The following CDH12 variants were observed in gnomAD, a reference collection of about 807,000 sequenced individuals.
CDH12 encodes the protein cadherin 12.
CDH12 carries 41 observed loss-of-function variants against 74.1 expected under a neutral mutation model. That is an observed-to-expected ratio of 0.55 (90% confidence interval 0.43 to 0.72). The LOEUF is 0.72. Ranked by LOEUF, CDH12 falls within the 30% of genes least tolerant of loss-of-function variation. The probability of loss-of-function intolerance (pLI) is 0.00; values close to 1 mark genes in which losing one functional copy is unlikely to be tolerated. For synonymous variants in CDH12, 399 were observed against 355.0 expected (o/e 1.12, Z -1.39); for missense variants, 945 against 977.2 (o/e 0.97, Z 0.44).
intron 1 of CDH12, among the ~76,000 whole-genome samples, chr5:22,513,102 TA>T (rs1243095009): frequency 3.9e-5 from 6 of 152,122 alleles, no homozygotes; most frequent in African/African-American, 1.4e-4. Context: ...CACCATGTTA[TA>T]AAAGAAAATA....
At chr5:22,829,022 A>G (rs549151611) in intron 1 of CDH12, among the ~76,000 whole-genome samples, 26 of 152,326 alleles carry the variant, frequency 1.7e-4, no homozygotes, top group African/African-American at 5.0e-4. Context: ...TCTGAAGGTC[A>G]AAGTGGCAGC....
intron 1 of CDH12, among the ~76,000 whole-genome samples, chr5:22,732,471 T>TACAC (rs58402882): frequency 0.035 from 2,547 of 72,580 alleles, 68 homozygotes; most frequent in African/African-American, 0.12. Context: ...TATATATATA[T>TACAC]ACACACACAC....
At chr5:21,890,133 G>A (rs1179406575) in intron 6 of CDH12, among the ~76,000 whole-genome samples, 1 of 152,056 alleles carries the variant, frequency 6.6e-6, no homozygotes, top group Non-Finnish European at 1.5e-5. Flanking sequence ...AGTTGTGCGT[G>A]GGTGTATGTG....
intron 3 of CDH12, among the ~76,000 whole-genome samples, chr5:22,355,524 ATAT>A (rs1341889036): frequency 0.058 from 3,935 of 67,760 alleles, 82 homozygotes; most frequent in African/African-American, 0.085. Context: ...TAAAAAAAAA[ATAT>A]ATATATATAT....
rs184446494 is a variant in CDH12 at position 22,042,463 on chromosome 5, C to T, written c.231+35983G>A. Among the ~76,000 whole-genome samples the T allele has an allele frequency of 1.2e-3, 186 of 152,080 alleles. 1 individual carries two copies. Among genetic ancestry groups the T allele is most frequent in the African/African-American group, 4.2e-3 (174 of 41,508 alleles). On this transcript the variant is annotated intron_variant, in intron 5 of 14. Coordinates refer to ENST00000382254, the MANE Select transcript of CDH12 (RefSeq NM_004061.5). ...AAATCAAAAGTAAAAAAGGAGACCA[C>T]AAAAGTGATACCACAGAAATGCAAA...
At chr5:22,538,759 T>A (rs1345287917) in intron 1 of CDH12, among the ~76,000 whole-genome samples, 7 of 152,206 alleles carry the variant, frequency 4.6e-5, no homozygotes, top group Non-Finnish European at 1.0e-4. Flanking sequence ...ATTCATGCAT[T>A]TGTTTGATTG....
chr5:22,310,345 C>G (rs1196295384), intron 3 of CDH12, among the ~76,000 whole-genome samples: 2 of 151,656 alleles, frequency 1.3e-5, no homozygotes, highest in East Asian at 3.9e-4. Flanking sequence ...ACCTGTAATC[C>G]CAGATACTCA....
intron 6 of CDH12, among the ~76,000 whole-genome samples, chr5:21,901,234 A>T (rs1753370692): frequency 1.3e-5 from 2 of 152,174 alleles, no homozygotes; most frequent in Admixed American, 1.3e-4. Context: ...TGAAAAAAAC[A>T]TGTTTTTGTA....
rs141079958 is a variant in CDH12 at position 22,798,688 on chromosome 5, A to G, written c.-523+54370T>C. Among the ~76,000 whole-genome samples the G allele has an allele frequency of 4.0e-3, 615 of 152,306 alleles. 3 individuals carry two copies. Among genetic ancestry groups the G allele is most frequent in the Non-Finnish European group, 6.4e-3 (432 of 68,024 alleles). ...TATTTAGAATTTTACAAGATTATGCATTGGTAGTTTTATATATTACAAATG... is the reference window on the plus strand; with the variant it reads ...TATTTAGAATTTTACAAGATTATGCGTTGGTAGTTTTATATATTACAAATG... On this transcript the variant is annotated intron_variant, in intron 1 of 14. Coordinates refer to ENST00000382254, the MANE Select transcript of CDH12 (RefSeq NM_004061.5).
chr5:21,828,208 C>G (rs1053184487), intron 8 of CDH12, among the ~76,000 whole-genome samples: 1 of 151,926 alleles, frequency 6.6e-6, no homozygotes, highest in African/African-American at 2.4e-5. Flanking sequence ...CTGCACCGTC[C>G]ACCTTCCGGG....
intron 4 of CDH12, among the ~76,000 whole-genome samples, chr5:22,182,389 T>C (rs1275576851): frequency 6.6e-6 from 1 of 152,194 alleles, no homozygotes; most frequent in Non-Finnish European, 1.5e-5. Flanking sequence ...AGTGATTTGA[T>C]TACAGTCCAT....
intron 1 of CDH12, among the ~76,000 whole-genome samples, chr5:22,683,049 A>G (rs879682768): frequency 2.0e-5 from 3 of 152,040 alleles, no homozygotes; most frequent in Non-Finnish European, 4.4e-5. Context: ...ATTTAATTCC[A>G]TGTAGGTTTA....
At chr5:22,824,299 A>G (rs1001898172) in intron 1 of CDH12, among the ~76,000 whole-genome samples, 1 of 152,162 alleles carries the variant, frequency 6.6e-6, no homozygotes, top group East Asian at 1.9e-4. Context: ...ATTCTCAAGC[A>G]TATATTTAAG....
chr5:22,324,514 A>T (rs1166196476), intron 3 of CDH12, among the ~76,000 whole-genome samples: 1 of 151,880 alleles, frequency 6.6e-6, no homozygotes, highest in Non-Finnish European at 1.5e-5. Context: ...GTTGTAGATT[A>T]CCTTACTGAG....
At chr5:22,229,360 C>CA (rs34665859) in intron 3 of CDH12, among the ~76,000 whole-genome samples, 23,759 of 125,244 alleles carry the variant, frequency 0.19, 2,172 homozygotes, top group South Asian at 0.26. Flanking sequence ...CTGCCTTTTA[C>CA]AAAAAAAAAA....
intron 1 of CDH12, among the ~76,000 whole-genome samples, chr5:22,650,078 G>T (rs1048339830): frequency 9.9e-5 from 15 of 152,004 alleles, no homozygotes; most frequent in African/African-American, 3.6e-4. Flanking sequence ...TAGTCTGGCT[G>T]TAATTATGTA....
At chr5:21,813,461 C>G (rs889915102) in intron 9 of CDH12, among the ~76,000 whole-genome samples, 38 of 151,968 alleles carry the variant, frequency 2.5e-4, no homozygotes, top group Non-Finnish European at 5.0e-4. Context: ...GCCTGGGCAA[C>G]AAGAGCAAAA....
intron 1 of CDH12, among the ~76,000 whole-genome samples, chr5:22,556,399 C>T (rs186366562): frequency 1.2e-4 from 19 of 152,094 alleles, no homozygotes; most frequent in Admixed American, 8.5e-4. Context: ...TACTCCATCT[C>T]CACAGAAACG....
chr5:21,987,983 C>T (rs1416185688), intron 5 of CDH12, among the ~76,000 whole-genome samples: 1 of 151,788 alleles, frequency 6.6e-6, no homozygotes, highest in Non-Finnish European at 1.5e-5. Context: ...AATCTAAGGA[C>T]AGCTAGAAAA....
Sources: gnomAD v4.1 joint callset for allele counts (sites outside exome capture counted in the v4.1 genomes callset) on GRCh38, gnomAD v4.1.1 for gene constraint, MANE v1.5 for transcripts, NCBI Gene and HGNC (gene_info 2026-07-23, HGNC 2026-07-21) for gene names.